Variants in SHROOM3 observed in about 807,000 individuals in gnomAD.
The protein encoded by SHROOM3 is protein Shroom3.
Under a neutral mutation model 138.6 loss-of-function variants are expected in SHROOM3, and 47 were observed. The observed-to-expected ratio is 0.34, with a 90% CI of 0.27 to 0.43. The LOEUF (loss-of-function observed/expected upper bound fraction) is 0.43. SHROOM3 is among the 20% of genes least tolerant of loss of function. The probability of loss-of-function intolerance (pLI) is 1.00; values close to 1 mark genes in which losing one functional copy is unlikely to be tolerated. For missense variants in SHROOM3, 2,491 were observed against 2,596.5 expected, an observed-to-expected ratio of 0.96 and a Z score of 0.88; for synonymous variants, 1,062 against 1,063.3, an observed-to-expected ratio of 1.00 and a Z score of 0.02.
At chr4:76,727,358 G>A (rs1330402640) in intron 3 of SHROOM3, among the ~76,000 whole-genome samples, 1 of 152,184 alleles carries the variant, frequency 6.6e-6, no homozygotes, top group Non-Finnish European at 1.5e-5. Flanking sequence ...ATTTGGGCCA[G>A]CCCCTGAAGG....
rs766151665 is a variant in SHROOM3 at position 76,555,609 on chromosome 4, G to T, written c.169G>T (p.Val57Phe). ...CTGTCGCATCTCTCCCTCCAAGCAGGTCGAAGAAGGGGGCAAAGCAGACAC... is the reference window on the plus strand; with the variant it reads ...CTGTCGCATCTCTCCCTCCAAGCAGTTCGAAGAAGGGGGCAAAGCAGACAC... ...EHGEPLIISK[V>F]EEGGKADTLS... Residue 57 changes from valine to phenylalanine, a missense_variant and splice_region_variant, in exon 2 of 11, where the codon GTC (valine) becomes TTC (phenylalanine). By Grantham distance (50) the Val-to-Phe change is conservative. Around this residue, in one of 4 missense-constraint regions of SHROOM3, gnomAD observed 284 missense variants for 322.8 expected, o/e 0.88. Coordinates refer to ENST00000296043, the MANE Select transcript of SHROOM3 (RefSeq NM_020859.4). The T allele has an allele frequency of 1.9e-6, 3 of 1,613,368 alleles. No homozygotes were observed. Among genetic ancestry groups the T allele is most frequent in the South Asian group, 1.1e-5 (1 of 91,048 alleles).
chr4:76,540,070 A>G (rs1361743010), intron 1 of SHROOM3, among the ~76,000 whole-genome samples: 1 of 151,566 alleles, frequency 6.6e-6, no homozygotes, highest in Non-Finnish European at 1.5e-5. Context: ...CTGGTCTTGA[A>G]CTCCTGACCT....
At chr4:76,611,485 T>C (rs1166240637) in intron 2 of SHROOM3, among the ~76,000 whole-genome samples, 1 of 152,056 alleles carries the variant, frequency 6.6e-6, no homozygotes, top group African/African-American at 2.4e-5. Context: ...TTAGCAAAAG[T>C]GAGAAAACGG....
chr4:76,778,383 A>G (rs74934388), intron 10 of SHROOM3, among the ~76,000 whole-genome samples: 4,607 of 152,054 alleles, frequency 0.03, 229 homozygotes, highest in African/African-American at 0.1. Context: ...CACCATGCCT[A>G]GGTGATTTTT....
chr4:76,699,476 T>G (rs1273259591), intron 2 of SHROOM3, among the ~76,000 whole-genome samples: 1 of 152,086 alleles, frequency 6.6e-6, no homozygotes, highest in African/African-American at 2.4e-5. Flanking sequence ...GCCCAGAACA[T>G]GAAAATGACT....
chr4:76,460,364 T>C (rs1731114571), intron 1 of SHROOM3, among the ~76,000 whole-genome samples: 1 of 152,204 alleles, frequency 6.6e-6, no homozygotes, highest in South Asian at 2.1e-4. Flanking sequence ...ACAACATTTT[T>C]GTGTTGACAA....
chr4:76,568,700 C>T (rs1384848328), intron 2 of SHROOM3, among the ~76,000 whole-genome samples: 2 of 152,186 alleles, frequency 1.3e-5, no homozygotes, highest in Non-Finnish European at 2.9e-5. Flanking sequence ...ACCCTTCTCT[C>T]TGTCCTCAGC....
At chr4:76,690,359 G>C (rs1364862384) in intron 2 of SHROOM3, among the ~76,000 whole-genome samples, 1 of 152,172 alleles carries the variant, frequency 6.6e-6, no homozygotes, top group African/African-American at 2.4e-5. Context: ...GATGTATTTT[G>C]GCATTACCTT....
rs143936832 is a variant in SHROOM3, at chr4:76,739,997, T to G, written c.1824T>G (p.Ala608=). 1.1e-4 allele frequency: 177 copies of G among 1,613,968 alleles called. No individual in the cohort carries two copies. The Middle Eastern group carries it at 1.3e-3, about 12-fold the overall frequency. ...CCCACAGCCTCAAATGCCCTCAGGCTCAGGCCTGGCAAGCGGGTGAAGACA... is the reference window on the plus strand; with the variant it reads ...CCCACAGCCTCAAATGCCCTCAGGCGCAGGCCTGGCAAGCGGGTGAAGACA... ...SHPHSLKCPQ[A]QAWQAGEDKR... Residue 608 remains alanine, a synonymous_variant, in exon 5 of 11, where the codon GCT becomes GCG. Coordinates refer to ENST00000296043, the MANE Select transcript of SHROOM3 (RefSeq NM_020859.4).
chr4:76,442,779 T>A (rs1176814616), intron 1 of SHROOM3, among the ~76,000 whole-genome samples: 2 of 152,118 alleles, frequency 1.3e-5, no homozygotes, highest in Non-Finnish European at 2.9e-5. Context: ...CTAAAGACCC[T>A]TCATTGATTC....
chr4:76,596,581 AAC>A (rs58214296), intron 2 of SHROOM3, among the ~76,000 whole-genome samples: 40,207 of 137,856 alleles, frequency 0.29, 5,569 homozygotes, highest in East Asian at 0.38. Context: ...GGTACAGAGA[AAC>A]ACACACACAC....
intron 1 of SHROOM3, among the ~76,000 whole-genome samples, chr4:76,526,310 T>C (rs1732688140): frequency 6.6e-6 from 1 of 152,146 alleles, no homozygotes. Context: ...GAGGTTGCCA[T>C]GAGCTGAGAT....
chr4:76,620,142 G>A (rs1482175645), intron 2 of SHROOM3, among the ~76,000 whole-genome samples: 1 of 151,462 alleles, frequency 6.6e-6, no homozygotes, highest in Middle Eastern at 3.2e-3. Context: ...TTTTTTGTGA[G>A]GGATGTTTGA....
intron 2 of SHROOM3, among the ~76,000 whole-genome samples, chr4:76,611,718 C>T (rs549837165): frequency 6.6e-6 from 1 of 152,252 alleles, no homozygotes; most frequent in Non-Finnish European, 1.5e-5. Flanking sequence ...ACCTAGTGTG[C>T]ACGCCATACC....
intron 1 of SHROOM3, among the ~76,000 whole-genome samples, chr4:76,524,910 G>T (rs1005586428): frequency 6.6e-6 from 1 of 152,134 alleles, no homozygotes; most frequent in Non-Finnish European, 1.5e-5. Flanking sequence ...GGGCTGAAAT[G>T]ATTTCCTCTA....
intron 2 of SHROOM3, among the ~76,000 whole-genome samples, chr4:76,644,985 G>A (rs1169507183): frequency 6.6e-6 from 1 of 152,210 alleles, no homozygotes; most frequent in Non-Finnish European, 1.5e-5. Context: ...CCATTGTACA[G>A]ATAAGGAGAC....
chr4:76,444,516 CG>C (rs1222072530), intron 1 of SHROOM3, among the ~76,000 whole-genome samples: 1 of 93,020 alleles, frequency 1.1e-5, no homozygotes, highest in East Asian at 3.7e-4. Flanking sequence ...TTTTTTGAGA[CG>C]GAGTCTTGCT....
rs1334190957 is a variant in SHROOM3, at chr4:76,749,051, T to A, written c.3788T>A (p.Leu1263His). The change falls in exon 6 of 11, where the codon CTT becomes CAT. Residue 1263 changes from leucine to histidine, a missense_variant. Leu to His is a moderately conservative substitution (Grantham distance 99). Around this residue, in one of 4 missense-constraint regions of SHROOM3, gnomAD observed 1,733 missense variants for 1,661.6 expected, o/e 1.04. Transcript: ENST00000296043. ...TTGGGGCAAGACAGTGGCTTTGGTC[T>A]TGTGAAGGATCCATGTTATTTGGCT... ...VLLGQDSGFG[L>H]VKDPCYLAGP... 1 of 1,613,940 alleles carries A rather than the reference T, an allele frequency of 6.2e-7. No individual in the cohort carries two copies. Among genetic ancestry groups the A allele is most frequent in the Non-Finnish European group, 8.5e-7 (1 of 1,179,982 alleles).
intron 1 of SHROOM3, among the ~76,000 whole-genome samples, chr4:76,470,999 T>C (rs956491321): frequency 6.6e-6 from 1 of 152,032 alleles, no homozygotes; most frequent in African/African-American, 2.4e-5. Context: ...AGGGGGTGTG[T>C]GTGTGTGAGA....
Sources: gnomAD v4.1 joint callset for allele counts (sites outside exome capture counted in the v4.1 genomes callset) on GRCh38, gnomAD v4.1.1 for gene constraint, gnomAD v4.1.1 regional missense constraint, MANE v1.5 for transcripts, NCBI Gene and HGNC (gene_info 2026-07-23, HGNC 2026-07-21) for gene names.